Variants in AGPS observed in about 807,000 individuals in gnomAD.
AGPS encodes alkylglycerone phosphate synthase, also known as alkyldihydroxyacetonephosphate synthase, peroxisomal.
AGPS carries 26 observed loss-of-function variants against 90.7 expected under a neutral mutation model. The observed-to-expected ratio is 0.29, with a 90% CI of 0.21 to 0.40. AGPS has a LOEUF of 0.40. AGPS is among the 10% of genes least tolerant of loss of function. AGPS has a pLI of 1.00. For synonymous variants in AGPS, 294 were observed against 285.3 expected (o/e 1.03, Z -0.31); for missense variants, 540 against 816.1 (o/e 0.66, Z 4.12).
chr2:177,434,409 A>G lies in AGPS; in HGVS notation c.433A>G (p.Thr145Ala). 1 of 1,610,216 alleles carries G rather than the reference A, an allele frequency of 6.2e-7. No homozygotes were observed. The highest frequency in any genetic ancestry group is 2.2e-5 in the East Asian group (1 of 44,758). ...TLGVNVEHKTTSKASLNPSDT... is the reference protein window; with the variant it reads ...TLGVNVEHKTASKASLNPSDT... ...TGGAGTAAATGTGGAGCATAAAACTACCTCTAAAGTAAGCAAACAAAAATT... is the reference window on the plus strand; with the variant it reads ...TGGAGTAAATGTGGAGCATAAAACTGCCTCTAAAGTAAGCAAACAAAAATT... Residue 145 changes from threonine (T) to alanine (A), a missense_variant, in exon 3 of 20, where the codon ACC (threonine) becomes GCC (alanine). Thr to Ala is a moderately conservative substitution (Grantham distance 58). Coordinates refer to ENST00000264167, the MANE Select transcript of AGPS (RefSeq NM_003659.4).
intron 8 of AGPS, among the ~76,000 whole-genome samples, chr2:177,454,225 C>G (rs1261644631): frequency 6.6e-6 from 1 of 151,922 alleles, no homozygotes; most frequent in Non-Finnish European, 1.5e-5. Flanking sequence ...TTATTAGGCT[C>G]TTTGAAGTTC....
chr2:177,508,157 T>C (rs1224867949), intron 16 of AGPS, 126 bp downstream of exon 16: 4 of 724,116 alleles, frequency 5.5e-6, no homozygotes, highest in Admixed American at 4.8e-5. Flanking sequence ...ACAAGGCAGC[T>C]ACTTTATTTA....
At chr2:177,479,549 G>A (rs79759511) in intron 10 of AGPS, among the ~76,000 whole-genome samples, 2 of 152,282 alleles carry the variant, frequency 1.3e-5, no homozygotes, top group East Asian at 1.9e-4. Context: ...GCAGATAAAC[G>A]AAGTGAGTTA....
chr2:177,405,673 GT>G (rs56860445), intron 1 of AGPS, among the ~76,000 whole-genome samples: 25 of 144,934 alleles, frequency 1.7e-4, no homozygotes, highest in African/African-American at 3.8e-4. Flanking sequence ...CTATTCTGTT[GT>G]TTTTTTTTTT....
chr2:177,461,930 A>T lies in AGPS; in HGVS notation c.908A>T (p.Asp303Val). The T allele has an allele frequency of 6.2e-7, 1 of 1,612,744 alleles. No individual in the cohort carries two copies. Among genetic ancestry groups the T allele is most frequent in the Non-Finnish European group, 8.5e-7 (1 of 1,179,158 alleles). ...ESGYCTGHEP[D>V]SLEFSTVGGW... ...GGTTATTGTACAGGTCATGAACCAGATTCCCTGGAGTTCAGTACTGTAGGA... is the reference window on the plus strand; with the variant it reads ...GGTTATTGTACAGGTCATGAACCAGTTTCCCTGGAGTTCAGTACTGTAGGA... The change falls in exon 9 of 20, where the codon GAT becomes GTT. Residue 303 changes from aspartate to valine, a missense_variant. Coordinates refer to ENST00000264167, the MANE Select transcript of AGPS (RefSeq NM_003659.4).
At chr2:177,477,601 A>G (rs1257585771) in intron 10 of AGPS, among the ~76,000 whole-genome samples, 1 of 152,184 alleles carries the variant, frequency 6.6e-6, no homozygotes, top group Non-Finnish European at 1.5e-5. Context: ...ATTTAAAAAA[A>G]TCCCAAATTG....
At chr2:177,450,094 C>G (rs1686894610) in intron 8 of AGPS, among the ~76,000 whole-genome samples, 1 of 152,132 alleles carries the variant, frequency 6.6e-6, no homozygotes, top group African/African-American at 2.4e-5. Flanking sequence ...ACCTCGGCCT[C>G]CCAAAGTGCT....
chr2:177,537,512 T>G (rs1350528192), intron 19 of AGPS, among the ~76,000 whole-genome samples: 2 of 152,100 alleles, frequency 1.3e-5, no homozygotes, highest in African/African-American at 4.8e-5. Flanking sequence ...TGCAAATTTA[T>G]TTAAAAGTAC....
chr2:177,512,839 A>G (rs1187389208), intron 16 of AGPS, among the ~76,000 whole-genome samples: 1 of 152,076 alleles, frequency 6.6e-6, no homozygotes, highest in Non-Finnish European at 1.5e-5. Flanking sequence ...TTGATATAAC[A>G]TCATGATTAT....
At chr2:177,450,027 C>T (rs1337716365) in intron 8 of AGPS, among the ~76,000 whole-genome samples, 2 of 151,890 alleles carry the variant, frequency 1.3e-5, no homozygotes, top group South Asian at 2.1e-4. Flanking sequence ...TTAGTAGAGA[C>T]GGGTTTTCAC....
chr2:177,470,275 G>A (rs1687573395), intron 10 of AGPS, among the ~76,000 whole-genome samples: 1 of 152,180 alleles, frequency 6.6e-6, no homozygotes, highest in Non-Finnish European at 1.5e-5. Context: ...TAGTTCGAGA[G>A]ATAATTTGGT....
chr2:177,528,108 A>T (rs2105738770), intron 19 of AGPS, among the ~76,000 whole-genome samples: 1 of 152,046 alleles, frequency 6.6e-6, no homozygotes, highest in African/African-American at 2.4e-5. Flanking sequence ...CTCTATATTC[A>T]CTCATTTATT....
Position 177,540,574 on chromosome 2 carries a change from A to T in AGPS, c.*2379A>T, listed in dbSNP as rs1270724881. 1 of 152,034 alleles carries T rather than the reference A, an allele frequency of 6.6e-6. No individual in the cohort carries two copies. The highest frequency in any genetic ancestry group is 1.5e-5 in the Non-Finnish European group (1 of 67,956). 9.4% of individuals were successfully genotyped at this position (152,034 alleles called of 1,614,324 possible). A position where few individuals can be genotyped will look rare whatever the true frequency, so the allele number is the denominator to read the frequency against. On this transcript the variant is annotated 3_prime_UTR_variant, in exon 20 of 20. Coordinates refer to ENST00000264167, the MANE Select transcript of AGPS (RefSeq NM_003659.4). ...GAATATGCACAGAAGCACTTAAACCATGCCTCTTATTTCTATAATATCTGA... is the reference window on the plus strand; with the variant it reads ...GAATATGCACAGAAGCACTTAAACCTTGCCTCTTATTTCTATAATATCTGA...
intron 11 of AGPS, among the ~76,000 whole-genome samples, chr2:177,482,650 A>G (rs1687977925): frequency 6.6e-6 from 1 of 152,126 alleles, no homozygotes; most frequent in South Asian, 2.1e-4. Flanking sequence ...AACTTCATCA[A>G]TTCATAGAAT....
At chr2:177,474,868 C>T (rs1379855105) in intron 10 of AGPS, among the ~76,000 whole-genome samples, 1 of 152,156 alleles carries the variant, frequency 6.6e-6, no homozygotes, top group Non-Finnish European at 1.5e-5. Flanking sequence ...GATTACAATG[C>T]TGTGATTCAA....
chr2:177,444,420 C>CAAAA (rs10618529), intron 7 of AGPS, among the ~76,000 whole-genome samples: 61 of 90,190 alleles, frequency 6.8e-4, no homozygotes, highest in South Asian at 1.1e-3. Flanking sequence ...GACTCTGTCT[C>CAAAA]AAAAAAAAAA....
At chr2:177,484,270 C>T (rs1688030363) in intron 11 of AGPS, among the ~76,000 whole-genome samples, 1 of 151,840 alleles carries the variant, frequency 6.6e-6, no homozygotes, top group African/African-American at 2.4e-5. Context: ...AATTCCATCC[C>T]CTGCTTGTCT....
intron 1 of AGPS, among the ~76,000 whole-genome samples, chr2:177,414,170 C>T (rs370509597): frequency 6.6e-4 from 101 of 152,114 alleles, no homozygotes; most frequent in Middle Eastern, 3.4e-3. Context: ...ACCTTTGGGA[C>T]GCAGTTTTTG....
At chr2:177,499,559 G>T in intron 13 of AGPS, 59 bp from the exon 14 acceptor site, 2 of 1,143,804 alleles carry the variant, frequency 1.7e-6, no homozygotes, top group South Asian at 2.7e-5. Flanking sequence ...AATGTATTTT[G>T]ATTTATTGTT....
Sources: allele counts gnomAD v4.1 joint callset (sites outside exome capture counted in the v4.1 genomes callset), GRCh38; gene constraint gnomAD v4.1.1; transcripts MANE v1.5; gene names NCBI Gene and HGNC (gene_info 2026-07-23, HGNC 2026-07-21).